Variants in CCDC146 observed in about 807,000 individuals in gnomAD.
The protein encoded by CCDC146 is coiled-coil domain-containing protein 146.
CCDC146 carries 92 observed loss-of-function variants against 119.3 expected under a neutral mutation model. The ratio of observed to expected loss-of-function variants is 0.77; its 90% CI spans 0.65 to 0.92. The LOEUF (loss-of-function observed/expected upper bound fraction) is 0.92, where lower values mean the gene tolerates loss of function less well. Ranked by LOEUF, CCDC146 falls within the 40% of genes least tolerant of loss-of-function variation. The pLI is 0.00. For synonymous variants in CCDC146, 372 were observed against 371.8 expected, an observed-to-expected ratio of 1.00 and a Z score of -0.01; for missense variants, 1,000 against 1,103.0, an observed-to-expected ratio of 0.91 and a Z score of 1.32.
chr7:77,141,547 C>T (rs556090767), intron 1 of CCDC146, among the ~76,000 whole-genome samples: 10 of 152,264 alleles, frequency 6.6e-5, no homozygotes, highest in East Asian at 1.9e-4. Context: ...ACAGTAAAAG[C>T]GTTCCTATTT....
chr7:77,159,901 G>C (rs1423749266), intron 1 of CCDC146, among the ~76,000 whole-genome samples: 2 of 152,134 alleles, frequency 1.3e-5, no homozygotes, highest in Non-Finnish European at 2.9e-5. Context: ...TATGGTCTTA[G>C]GTCTAACGTT....
intron 2 of CCDC146, among the ~76,000 whole-genome samples, chr7:77,187,532 A>G (rs756042208): frequency 2.0e-5 from 3 of 152,076 alleles, no homozygotes; most frequent in Non-Finnish European, 4.4e-5. Context: ...CCTCAGCGCC[A>G]CTCTCAGTTA....
At chr7:77,226,964 A>AT (rs773393498) in intron 2 of CCDC146, among the ~76,000 whole-genome samples, 1 of 152,178 alleles carries the variant, frequency 6.6e-6, no homozygotes, top group East Asian at 1.9e-4. Flanking sequence ...CTAGATTATG[A>AT]TTTTTTATGT....
chr7:77,279,541 C>G (rs149224152), intron 13 of CCDC146, among the ~76,000 whole-genome samples: 1 of 152,072 alleles, frequency 6.6e-6, no homozygotes, highest in African/African-American at 2.4e-5. Flanking sequence ...ACCAACATCC[C>G]CTGATTGTAG....
chr7:77,151,791 G>C (rs1562816751), intron 1 of CCDC146, among the ~76,000 whole-genome samples: 1 of 152,122 alleles, frequency 6.6e-6, no homozygotes, highest in African/African-American at 2.4e-5. Context: ...ATCCACCTGG[G>C]TCTTAGACAT....
chr7:77,123,054 G>A lies in CCDC146; in HGVS notation c.-12+322G>A, dbSNP rs1436656954. Among the ~76,000 whole-genome samples, 6 of 144,178 alleles carry A rather than the reference G, an allele frequency of 4.2e-5. No homozygotes were observed. The East Asian group carries it at 1.2e-3, about 29-fold the overall frequency. 94.6% of individuals were successfully genotyped at this position (144,178 alleles called of 152,430 possible). A position where few individuals can be genotyped will look rare whatever the true frequency, so the allele number is the denominator to read the frequency against. On this transcript the variant is annotated intron_variant, in intron 1 of 18. Transcript: ENST00000285871. Reference sequence around the variant, plus strand: ...GCCTTGCCTCAAAGGGTTTTTGTGAGGATCAAGTAAGAAAATGGATGGGAC... The same window carrying A: ...GCCTTGCCTCAAAGGGTTTTTGTGAAGATCAAGTAAGAAAATGGATGGGAC...
chr7:77,241,105 G>T lies in CCDC146; in HGVS notation c.240-586G>T, dbSNP rs1235774939. Among the ~76,000 whole-genome samples the T allele has an allele frequency of 1.5e-3, 178 of 117,918 alleles. 2 individuals are homozygous for T. Among genetic ancestry groups the T allele is most frequent in the Non-Finnish European group, 2.3e-3 (128 of 55,500 alleles). The allele number at this position is 117,918 out of a possible 152,430, so 77.4% of individuals were successfully genotyped here. The stretch of plus-strand genomic sequence containing the variant: ...TGGAGTCTCACTCTGTCGCCCAGGC[G>T]GGAGTGCAGTGGCTCAATCTCGGCT... On this transcript the variant is annotated intron_variant, in intron 3 of 18. Transcript: ENST00000285871.
At chr7:77,231,867 G>A (rs1739489355) in intron 2 of CCDC146, among the ~76,000 whole-genome samples, 1 of 150,022 alleles carries the variant, frequency 6.7e-6, no homozygotes, top group Non-Finnish European at 1.5e-5. Context: ...CTCACTATAT[G>A]GGATGGGGGT....
At chr7:77,183,991 A>G (rs556383607) in intron 2 of CCDC146, among the ~76,000 whole-genome samples, 73 of 152,304 alleles carry the variant, frequency 4.8e-4, no homozygotes, top group African/African-American at 1.7e-3. Flanking sequence ...TACTGAATGT[A>G]TTTCCTATAT....
At chr7:77,284,611 C>T (rs560684783) in intron 15 of CCDC146, among the ~76,000 whole-genome samples, 1 of 151,604 alleles carries the variant, frequency 6.6e-6, no homozygotes, top group Admixed American at 6.6e-5. Flanking sequence ...TCAATACTTC[C>T]ATTCAGTGGA....
At position 77,241,691 on chromosome 7, in the gene CCDC146, C is replaced by A; in HGVS notation, c.240C>A (p.Ser80Arg). ...AGTCTCTGTTTTTCATGTAACCCAG[C>A]ACACAAGAGTCAGAGGTCCAACTGC... ...KYTLLHDAVMSTQESEVQLLQ... is the reference protein window; with the variant it reads ...KYTLLHDAVMRTQESEVQLLQ... The change falls in exon 4 of 19, where the codon AGC becomes AGA. Residue 80 changes from serine to arginine, a missense_variant and splice_region_variant. Ser to Arg is a moderately radical substitution (Grantham distance 110, BLOSUM62 -1). Around this residue, in one of 2 missense-constraint regions of CCDC146, gnomAD observed 985 missense variants for 1,045.3 expected, o/e 0.94. Coordinates refer to ENST00000285871, the MANE Select transcript of CCDC146 (RefSeq NM_020879.3). The A allele has an allele frequency of 6.2e-7, 1 of 1,613,604 alleles. No homozygotes were observed. The highest frequency in any genetic ancestry group is 1.1e-5 in the South Asian group (1 of 91,070).
chr7:77,133,326 C>CT (rs1790813425), intron 1 of CCDC146, among the ~76,000 whole-genome samples: 1 of 152,138 alleles, frequency 6.6e-6, no homozygotes, highest in Admixed American at 6.5e-5. Context: ...AATGCTTTCC[C>CT]TTTAAGATTT....
intron 15 of CCDC146, among the ~76,000 whole-genome samples, chr7:77,285,410 A>G (rs1305529116): frequency 6.6e-6 from 1 of 152,246 alleles, no homozygotes; most frequent in Non-Finnish European, 1.5e-5. Flanking sequence ...AGATACAGGA[A>G]AAAGAAAAAT....
intron 9 of CCDC146, among the ~76,000 whole-genome samples, chr7:77,263,785 G>GCA (rs1793348670): frequency 1.3e-5 from 2 of 152,154 alleles, no homozygotes; most frequent in African/African-American, 4.8e-5. Context: ...TTGGTCGGGT[G>GCA]TGCTGGTGCA....
chr7:77,193,696 T>C (rs528293669), intron 2 of CCDC146: 1 of 152,262 alleles, frequency 6.6e-6, no homozygotes, highest in Admixed American at 6.5e-5. Context: ...TGATTTTTTT[T>C]TCCCCTCAGT....
intron 1 of CCDC146, among the ~76,000 whole-genome samples, chr7:77,128,830 C>T (rs948484758): frequency 2.0e-5 from 3 of 152,108 alleles, no homozygotes; most frequent in African/African-American, 7.3e-5. Flanking sequence ...TATTTTACCT[C>T]GAGGGCAGCC....
chr7:77,172,150 T>C (rs1004979423), intron 2 of CCDC146, among the ~76,000 whole-genome samples: 1 of 152,258 alleles, frequency 6.6e-6, no homozygotes, highest in African/African-American at 2.4e-5. Context: ...TCAGAATTAT[T>C]GGATTCAGAA....
chr7:77,147,123 T>G (rs1032419023), intron 1 of CCDC146, among the ~76,000 whole-genome samples: 2 of 152,218 alleles, frequency 1.3e-5, no homozygotes, highest in African/African-American at 4.8e-5. Context: ...TTACTCTTTT[T>G]TCTCTAAACT....
At chr7:77,254,451 A>T in intron 4 of CCDC146, 55 bp from the exon 5 acceptor site, 1 of 1,000,426 alleles carries the variant, frequency 1.0e-6, no homozygotes, top group Non-Finnish European at 1.5e-6. Flanking sequence ...AGTTGTTATT[A>T]CAGAAAGAGC....
Sources: allele counts gnomAD v4.1 joint callset (sites outside exome capture counted in the v4.1 genomes callset), GRCh38; gene constraint gnomAD v4.1.1; regional missense constraint gnomAD v4.1.1; transcripts MANE v1.5; gene names NCBI Gene and HGNC (gene_info 2026-07-23, HGNC 2026-07-21).